TNKS: variants seen among roughly 807,000 people sequenced by gnomAD.
TNKS encodes poly [ADP-ribose] polymerase tankyrase-1.
In TNKS, 72 loss-of-function variants were observed where a neutral mutation model predicts 135.8. That is an observed-to-expected ratio of 0.53 (90% CI 0.44 to 0.64). TNKS has a LOEUF of 0.64. Ranked by LOEUF, TNKS falls within the 30% of genes least tolerant of loss-of-function variation. The pLI is 0.00. For synonymous variants in TNKS, 849 were observed against 649.3 expected (o/e 1.31, Z -4.68); for missense variants, 1,769 against 1,674.0 (o/e 1.06, Z -0.99).
At chr8:9,616,132 C>G (rs1046957374) in intron 3 of TNKS, among the ~76,000 whole-genome samples, 3 of 152,150 alleles carry the variant, frequency 2.0e-5, no homozygotes, top group Non-Finnish European at 2.9e-5. Flanking sequence ...CCCGTTTATA[C>G]TTTAATCATA....
At chr8:9,751,922 CTA>C in intron 19 of TNKS, 76 bp downstream of exon 19, 2 of 1,289,380 alleles carry the variant, frequency 1.6e-6, no homozygotes, top group South Asian at 2.6e-5. Flanking sequence ...CTATTGATAA[CTA>C]TTGAATGCCT....
chr8:9,764,276 T>A (rs1807306890), intron 22 of TNKS, among the ~76,000 whole-genome samples: 1 of 152,066 alleles, frequency 6.6e-6, no homozygotes, highest in Non-Finnish European at 1.5e-5. Context: ...GTAAATATAC[T>A]TAGAGATCCC....
intron 3 of TNKS, among the ~76,000 whole-genome samples, chr8:9,626,840 A>G (rs1563126767): frequency 6.6e-6 from 1 of 152,196 alleles, no homozygotes; most frequent in Non-Finnish European, 1.5e-5. Context: ...GCTATACTAT[A>G]AAATGTGTTT....
At chr8:9,756,961 GTTTTTGTTTGTTTT>G (rs1224374913) in intron 20 of TNKS, among the ~76,000 whole-genome samples, 3 of 151,150 alleles carry the variant, frequency 2.0e-5, no homozygotes, top group South Asian at 2.1e-4. Flanking sequence ...TACTTTTTTT[GTTTTTGTTTGTTTT>G]TTTTTGTTTG....
At chr8:9,719,116 A>G (rs1804745007) in intron 11 of TNKS, among the ~76,000 whole-genome samples, 2 of 152,224 alleles carry the variant, frequency 1.3e-5, no homozygotes, top group African/African-American at 4.8e-5. Flanking sequence ...GTTGGTATGT[A>G]TCAGCAGTCA....
rs1018739836 is a variant in TNKS, at chr8:9,642,061, T to A, written c.994+26384T>A. On this transcript the variant is annotated intron_variant, in intron 3 of 26. Transcript: ENST00000310430. ...TTGATGTAGAAGTGTTTGGCTTAAATCTTTTAAGTTTATCAAGATGAGAAA... is the reference window on the plus strand; with the variant it reads ...TTGATGTAGAAGTGTTTGGCTTAAAACTTTTAAGTTTATCAAGATGAGAAA... Among the ~76,000 whole-genome samples the A allele has an allele frequency of 4.1e-5, 6 of 146,264 alleles. 1 individual carries two copies. The highest frequency in any genetic ancestry group is 1.5e-4 in the African/African-American group (6 of 39,478).
intron 3 of TNKS, among the ~76,000 whole-genome samples, chr8:9,672,721 A>AAAAAAC (rs1554466626): frequency 2.7e-5 from 4 of 147,646 alleles, no homozygotes; most frequent in African/African-American, 1.0e-4. Flanking sequence ...CAAAAAAAAA[A>AAAAAAC]AAACAAACTA....
rs374691135 is a variant in TNKS, at chr8:9,706,247, A to G, written c.1263A>G (p.Leu421=). Residue 421 remains leucine (L), a synonymous_variant, in exon 7 of 27, where the codon CTA becomes CTG. Transcript: ENST00000310430. ...SYGHYEVTEL[L]LKHGACVNAM... ...GACATTATGAAGTCACAGAACTGCT[A>G]CTAAAGGTAAGAGAAATTCAGAATA... 1.8e-5 allele frequency: 28 copies of G among 1,568,452 alleles called. No homozygotes were observed. In the East Asian group the frequency reaches 2.2e-4, roughly 12 times the overall value.
chr8:9,591,503 G>A (rs1402336445), intron 2 of TNKS, among the ~76,000 whole-genome samples: 3 of 152,220 alleles, frequency 2.0e-5, no homozygotes, highest in African/African-American at 2.4e-5. Flanking sequence ...AAGCTGCGTT[G>A]CCCTAATGGC....
chr8:9,754,306 C>G (rs1435006244), intron 20 of TNKS, among the ~76,000 whole-genome samples: 1 of 151,950 alleles, frequency 6.6e-6, no homozygotes, highest in African/African-American at 2.4e-5. Flanking sequence ...TTCAATCACC[C>G]ACCTCTACAC....
At chr8:9,639,876 C>A (rs1365159024) in intron 3 of TNKS, among the ~76,000 whole-genome samples, 2 of 152,128 alleles carry the variant, frequency 1.3e-5, no homozygotes, top group African/African-American at 4.8e-5. Context: ...CTACATATAT[C>A]TTCCAGTAAA....
intron 5 of TNKS, among the ~76,000 whole-genome samples, chr8:9,689,533 C>A (rs189267801): frequency 1.2e-3 from 181 of 151,956 alleles, no homozygotes; most frequent in African/African-American, 4.1e-3. Context: ...TAACATAATA[C>A]CCTACTTTTG....
chr8:9,635,169 C>G (rs1327962585), intron 3 of TNKS, among the ~76,000 whole-genome samples: 1 of 142,266 alleles, frequency 7.0e-6, no homozygotes, highest in Non-Finnish European at 1.5e-5. Context: ...GACTCCGTCT[C>G]GGGGAAAAAA....
chr8:9,607,561 C>G (rs999877908), intron 2 of TNKS, among the ~76,000 whole-genome samples: 2 of 152,224 alleles, frequency 1.3e-5, no homozygotes, highest in African/African-American at 4.8e-5. Flanking sequence ...TCGTCTTACA[C>G]TTGCAAAGCA....
intron 11 of TNKS, chr8:9,710,531 C>A: frequency 2.0e-6 from 1 of 490,984 alleles, no homozygotes; most frequent in Non-Finnish European, 3.6e-6. Context: ...TTGATAGTGT[C>A]CACTTGAATA....
intron 3 of TNKS, among the ~76,000 whole-genome samples, chr8:9,656,773 C>T (rs1323792309): frequency 1.2e-4 from 18 of 151,024 alleles, no homozygotes; most frequent in East Asian, 3.9e-4. Context: ...CACGGCCTTC[C>T]GCAGTGTTTG....
chr8:9,774,661 G>C (rs796466616), intron 26 of TNKS, among the ~76,000 whole-genome samples: 1 of 152,068 alleles, frequency 6.6e-6, no homozygotes, highest in Non-Finnish European at 1.5e-5. Context: ...AGGGCACACA[G>C]AAACAATTCA....
chr8:9,594,798 A>G (rs913611226), intron 2 of TNKS, among the ~76,000 whole-genome samples: 3 of 152,212 alleles, frequency 2.0e-5, no homozygotes, highest in Admixed American at 6.5e-5. Context: ...ACATATATGT[A>G]TAAATCTTAA....
chr8:9,590,547 C>T (rs1430350246), intron 2 of TNKS, among the ~76,000 whole-genome samples: 1 of 152,196 alleles, frequency 6.6e-6, no homozygotes. Flanking sequence ...ACACAGGAAC[C>T]TACTCTGCCT....
Sources: allele counts gnomAD v4.1 joint callset (sites outside exome capture counted in the v4.1 genomes callset), GRCh38; gene constraint gnomAD v4.1.1; transcripts MANE v1.5; gene names NCBI Gene and HGNC (gene_info 2026-07-23, HGNC 2026-07-21).